GNAI3: variants seen among roughly 807,000 people sequenced by gnomAD.
The protein encoded by GNAI3 is G protein subunit alpha i3.
GNAI3 carries 12 observed loss-of-function variants against 41.8 expected under a neutral mutation model. That is an observed-to-expected ratio of 0.29 (90% CI 0.18 to 0.47). The LOEUF (loss-of-function observed/expected upper bound fraction) is 0.47. GNAI3 is among the 20% of genes least tolerant of loss of function. GNAI3 has a pLI of 1.00. For synonymous variants in GNAI3, 132 were observed against 146.5 expected (o/e 0.90, Z 0.71); for missense variants, 360 against 429.6 (o/e 0.84, Z 1.43).
intron 7 of GNAI3, among the ~76,000 whole-genome samples, chr1:109,587,336 G>A (rs1649054599): frequency 6.6e-6 from 1 of 152,194 alleles, no homozygotes; most frequent in African/African-American, 2.4e-5. Flanking sequence ...AGACTGACAT[G>A]TAGTTGCAGA....
chr1:109,586,582 A>G (rs1649037868), intron 6 of GNAI3, 147 bp from the exon 7 acceptor site: 1 of 686,710 alleles, frequency 1.5e-6, no homozygotes, highest in East Asian at 2.7e-5. Flanking sequence ...AAAAATGAGG[A>G]CTGACACTCA....
intron 6 of GNAI3, 70 bp downstream of exon 6, chr1:109,586,415 A>ATTATCTGCATCCATTTCC: frequency 1.4e-6 from 2 of 1,416,774 alleles, no homozygotes; most frequent in South Asian, 2.5e-5. Flanking sequence ...TATTAGGAAG[A>ATTATCTGCATCCATTTCC]TTATCTGCAT....
intron 1 of GNAI3, among the ~76,000 whole-genome samples, chr1:109,557,221 C>T (rs760451462): frequency 4.6e-5 from 7 of 152,200 alleles, no homozygotes; most frequent in Non-Finnish European, 8.8e-5. Context: ...AGGTGTGAGT[C>T]ACCATGCCTC....
chr1:109,555,013 G>A (rs960820650), intron 1 of GNAI3, among the ~76,000 whole-genome samples: 2 of 152,106 alleles, frequency 1.3e-5, no homozygotes, highest in African/African-American at 4.8e-5. Flanking sequence ...TACAAAACAC[G>A]GCTGACAGAA....
At chr1:109,587,741 A>G (rs1649068759) in intron 7 of GNAI3, among the ~76,000 whole-genome samples, 3 of 152,172 alleles carry the variant, frequency 2.0e-5, no homozygotes, top group Admixed American at 2.0e-4. Flanking sequence ...GATCCATATC[A>G]TGGGGTGCAT....
chr1:109,570,717 G>A (rs1648572717), intron 1 of GNAI3, among the ~76,000 whole-genome samples: 1 of 152,194 alleles, frequency 6.6e-6, no homozygotes, highest in African/African-American at 2.4e-5. Flanking sequence ...AAGAATGCTG[G>A]TCTGACAAGA....
chr1:109,589,472 G>A (rs1307703386), intron 7 of GNAI3, among the ~76,000 whole-genome samples: 1 of 152,092 alleles, frequency 6.6e-6, no homozygotes, highest in African/African-American at 2.4e-5. Context: ...GGGTTTAAAG[G>A]GAAGGGAGAG....
intron 1 of GNAI3, among the ~76,000 whole-genome samples, chr1:109,563,919 A>G (rs1474806353): frequency 6.6e-6 from 1 of 152,208 alleles, no homozygotes; most frequent in African/African-American, 2.4e-5. Flanking sequence ...TTTGTTACAC[A>G]TATGCTATAA....
chr1:109,586,642 T>G (rs1011467652), intron 6 of GNAI3, 87 bp from the exon 7 acceptor site: 40 of 956,534 alleles, frequency 4.2e-5, no homozygotes, highest in Middle Eastern at 3.4e-4. Flanking sequence ...CATTTAGTGC[T>G]GCAAAACTTG....
chr1:109,578,615 T>C (rs1648817151), intron 3 of GNAI3, among the ~76,000 whole-genome samples: 1 of 152,172 alleles, frequency 6.6e-6, no homozygotes, highest in African/African-American at 2.4e-5. Context: ...TAGGGAAATC[T>C]AGGGACTGTT....
intron 3 of GNAI3, among the ~76,000 whole-genome samples, chr1:109,576,945 G>T (rs1648762466): frequency 6.6e-6 from 1 of 150,852 alleles, no homozygotes; most frequent in Non-Finnish European, 1.5e-5. Flanking sequence ...AAAGAGTCAG[G>T]ACAGCAAAAA....
At chr1:109,589,099 G>A (rs549513361) in intron 7 of GNAI3, among the ~76,000 whole-genome samples, 5 of 152,236 alleles carry the variant, frequency 3.3e-5, no homozygotes, top group East Asian at 3.9e-4. Context: ...AGAGGTTGGG[G>A]TTTGAGATCA....
intron 1 of GNAI3, among the ~76,000 whole-genome samples, chr1:109,555,474 A>G (rs1648114473): frequency 6.6e-6 from 1 of 152,230 alleles, no homozygotes; most frequent in Non-Finnish European, 1.5e-5. Flanking sequence ...ATAATTGACA[A>G]GCCACATGTA....
intron 3 of GNAI3, among the ~76,000 whole-genome samples, chr1:109,576,053 T>C (rs1025400566): frequency 3.3e-5 from 5 of 152,110 alleles, no homozygotes; most frequent in African/African-American, 1.2e-4. Context: ...TCCTCTCTTA[T>C]TGTCTTCTAG....
At chr1:109,554,597 G>A (rs573422948) in intron 1 of GNAI3, among the ~76,000 whole-genome samples, 2 of 152,116 alleles carry the variant, frequency 1.3e-5, no homozygotes, top group Admixed American at 1.3e-4. Context: ...TTTCCTTGTA[G>A]ATTCTGGATA....
intron 1 of GNAI3, among the ~76,000 whole-genome samples, chr1:109,571,356 A>G (rs911804504): frequency 6.6e-6 from 1 of 152,232 alleles, no homozygotes; most frequent in Non-Finnish European, 1.5e-5. Context: ...GGAAATCATT[A>G]GTATAGAGAC....
At chr1:109,556,000 TTG>T (rs1648139491) in intron 1 of GNAI3, among the ~76,000 whole-genome samples, 1 of 82,988 alleles carries the variant, frequency 1.2e-5, no homozygotes, top group Non-Finnish European at 2.7e-5. Flanking sequence ...GTGTGTGTGT[TTG>T]TGTGTGTTTC....
intron 1 of GNAI3, among the ~76,000 whole-genome samples, chr1:109,561,196 ATTAAAAT>A (rs1195156689): frequency 6.6e-6 from 1 of 152,172 alleles, no homozygotes; most frequent in African/African-American, 2.4e-5. Context: ...TATGTTTGTA[ATTAAAAT>A]CCACATTCAT....
At position 109,579,328 on chromosome 1, in the gene GNAI3, C is replaced by G. The variant is rs554102264; in HGVS notation, c.428C>G (p.Ser143Cys). The G allele has an allele frequency of 6.2e-7, 1 of 1,613,302 alleles. No homozygotes were observed. The highest frequency in any genetic ancestry group is 1.1e-5 in the South Asian group (1 of 91,018). ...GGGGTACAAGCTTGCTTCAGCAGAT[C>G]CAGGGAATATCAGCTCAATGATTCT... Reference protein sequence around the residue: ...DGGVQACFSRSREYQLNDSAS... With the variant: ...DGGVQACFSRCREYQLNDSAS... The change falls in exon 4 of 9, where the codon TCC (serine) becomes TGC (cysteine). Residue 143 changes from serine to cysteine, a missense_variant. Physicochemically the swap from Ser to Cys is moderately radical, Grantham distance 112. Coordinates refer to ENST00000369851, the MANE Select transcript of GNAI3 (RefSeq NM_006496.4).
Sources: gnomAD v4.1 joint callset for allele counts (sites outside exome capture counted in the v4.1 genomes callset) on GRCh38, gnomAD v4.1.1 for gene constraint, MANE v1.5 for transcripts, NCBI Gene and HGNC (gene_info 2026-07-23, HGNC 2026-07-21) for gene names.